Variants in YPEL1 observed in about 807,000 individuals in gnomAD.
The protein encoded by YPEL1 is yippee like 1, also known as protein yippee-like 1.
In YPEL1, 7 loss-of-function variants were observed where a neutral mutation model predicts 17.3. The observed-to-expected ratio is 0.40, with a 90% CI of 0.23 to 0.76. The LOEUF (loss-of-function observed/expected upper bound fraction) is 0.76, where lower values mean the gene tolerates loss of function less well. Ranked by LOEUF, YPEL1 falls within the 30% of genes least tolerant of loss-of-function variation. YPEL1 has a pLI of 0.35. For missense variants in YPEL1, 91 were observed against 155.5 expected, an observed-to-expected ratio of 0.59 and a Z score of 2.21; for synonymous variants, 59 against 59.6, an observed-to-expected ratio of 0.99 and a Z score of 0.05.
At chr22:21,724,099 C>T (rs2068309772) in intron 1 of YPEL1, among the ~76,000 whole-genome samples, 1 of 152,200 alleles carries the variant, frequency 6.6e-6, no homozygotes, top group Admixed American at 6.6e-5. Flanking sequence ...GTGAGTCTCC[C>T]ATCCCAGAGC....
chr22:21,716,160 C>T (rs935426373), intron 1 of YPEL1, among the ~76,000 whole-genome samples: 14 of 152,022 alleles, frequency 9.2e-5, no homozygotes, highest in Non-Finnish European at 1.3e-4. Context: ...CTGCCTGCCC[C>T]GGCTTCCCAG....
chr22:21,726,638 A>G (rs984097466), intron 1 of YPEL1, among the ~76,000 whole-genome samples: 1 of 152,172 alleles, frequency 6.6e-6, no homozygotes. Context: ...AGGGTCCTCC[A>G]TGCTGTAACT....
At chr22:21,731,596 C>T (rs1434975112) in intron 1 of YPEL1, among the ~76,000 whole-genome samples, 1 of 147,538 alleles carries the variant, frequency 6.8e-6, no homozygotes, top group East Asian at 2.0e-4. Context: ...GAGGGGGAAG[C>T]GTTTGGGTGG....
intron 1 of YPEL1, among the ~76,000 whole-genome samples, chr22:21,735,339 C>A (rs2068425610): frequency 6.7e-6 from 1 of 149,730 alleles, no homozygotes; most frequent in African/African-American, 2.4e-5. Context: ...CTTTTCACGG[C>A]GGGGCGGGAG....
At chr22:21,719,120 A>G (rs1239594760) in intron 1 of YPEL1, among the ~76,000 whole-genome samples, 1 of 152,072 alleles carries the variant, frequency 6.6e-6, no homozygotes, top group Non-Finnish European at 1.5e-5. Context: ...AAACTTGCTG[A>G]CATGCCCTGG....
intron 2 of YPEL1, among the ~76,000 whole-genome samples, chr22:21,704,697 C>T (rs2148596663): frequency 6.6e-6 from 1 of 151,272 alleles, no homozygotes; most frequent in South Asian, 2.1e-4. Context: ...ACAAGATGGC[C>T]TTTCACTTGG....
Position 21,701,060 on chromosome 22 carries a change from C to T in YPEL1, c.*69G>A, listed in dbSNP as rs2068060449. ...CAAGAAAGGCTGTCACCAGATGCTC[C>T]TACGTTTCCATTACATTCACAGTTT... On this transcript the variant is annotated 3_prime_UTR_variant, in exon 5 of 5. Transcript: ENST00000339468. 2 of 1,431,480 alleles carry T rather than the reference C, an allele frequency of 1.4e-6. No homozygotes were observed. The highest frequency in any genetic ancestry group is 2.0e-6 in the Non-Finnish European group (2 of 1,017,734). The allele number at this position is 1,431,480 out of a possible 1,614,324, so 88.7% of individuals were successfully genotyped here.
chr22:21,701,195 C>T lies in YPEL1; in HGVS notation c.294G>A (p.Gln98=). ...WKYEHAFESS[Q]KYKEGKFIIE... ...TGATGAATTTTCCTTCCTTATATTTCTGACTGCTCTCAAAGGCATGCTCCT... is the reference window on the plus strand; with the variant it reads ...TGATGAATTTTCCTTCCTTATATTTTTGACTGCTCTCAAAGGCATGCTCCT... The change falls in exon 5 of 5, where the codon CAG becomes CAA. Residue 98 remains glutamine (Q), a synonymous_variant. Transcript: ENST00000339468. The T allele has an allele frequency of 6.2e-7, 1 of 1,613,940 alleles. No homozygotes were observed. The highest frequency in any genetic ancestry group is 8.5e-7 in the Non-Finnish European group (1 of 1,179,860).
In YPEL1 at chr22:21,703,625, C is replaced by A; in HGVS notation, c.162-147G>T. The A allele has an allele frequency of 1.2e-6, 1 of 845,120 alleles. No individual in the cohort carries two copies. Among genetic ancestry groups the A allele is most frequent in the Non-Finnish European group, 1.8e-6 (1 of 541,892 alleles). The allele number at this position is 845,120 out of a possible 1,614,324, so 52.4% of individuals were successfully genotyped here. ...AGCAGTGCCGTGCCTCTCCCCCAGC[C>A]CTGCCCGCCACCACCATCAATGGGA... On this transcript the variant is annotated intron_variant, in intron 3 of 4. Transcript: ENST00000339468. This position sits in a 1 kb window ranked among gnomAD's most constrained non-coding sequence, Gnocchi z 6.1.
At chr22:21,708,224 T>C (rs1163799421) in intron 2 of YPEL1, among the ~76,000 whole-genome samples, 1 of 151,768 alleles carries the variant, frequency 6.6e-6, no homozygotes, top group African/African-American at 2.4e-5. Context: ...AGGCACGAGG[T>C]CTGATCCTTC....
chr22:21,716,428 G>A (rs2068224455), intron 1 of YPEL1, among the ~76,000 whole-genome samples: 2 of 152,270 alleles, frequency 1.3e-5, no homozygotes. Flanking sequence ...AGAGAGGCGA[G>A]CCAAGCCGCT....
At chr22:21,728,144 G>A (rs2068353689) in intron 1 of YPEL1, among the ~76,000 whole-genome samples, 1 of 152,276 alleles carries the variant, frequency 6.6e-6, no homozygotes, top group East Asian at 1.9e-4. Context: ...ACCTCTTTAG[G>A]GAGGAGAGGG....
intron 1 of YPEL1, among the ~76,000 whole-genome samples, chr22:21,716,435 C>T (rs1426239578): frequency 2.0e-5 from 3 of 152,258 alleles, no homozygotes; most frequent in African/African-American, 4.8e-5. Context: ...CGAGCCAAGC[C>T]GCTCTTGCCC....
At chr22:21,706,614 G>A (rs192795027) in intron 2 of YPEL1, among the ~76,000 whole-genome samples, 1 of 152,032 alleles carries the variant, frequency 6.6e-6, no homozygotes, top group Non-Finnish European at 1.5e-5. Flanking sequence ...GAGAGGCCAG[G>A]GTGGGTGGAT....
chr22:21,701,249 CAGA>C (rs1331637737), intron 4 of YPEL1, 31 bp from the exon 5 acceptor site: 4 of 1,569,028 alleles, frequency 2.5e-6, no homozygotes, highest in East Asian at 2.2e-5. Flanking sequence ...GGTTTCAGGA[CAGA>C]AGGTTTCACT....
Position 21,725,856 on chromosome 22 carries a change from G to GGGCAC in YPEL1, c.-165+9754_-165+9758dup, listed in dbSNP as rs574451360. ...AAAGGAAAAAAAAAAAAAAATAGCC[G>GGGCAC]GGCACGGTGGCACATGCCTGTGGTC... On this transcript the variant is annotated intron_variant, in intron 1 of 4. Coordinates refer to ENST00000339468, the MANE Select transcript of YPEL1 (RefSeq NM_013313.5). Among the ~76,000 whole-genome samples, 21 of 151,874 alleles carry GGGCAC rather than the reference G, an allele frequency of 1.4e-4. No individual in the cohort carries two copies. In the South Asian group the frequency reaches 4.4e-3, roughly 32 times the overall value.
In YPEL1 at chr22:21,700,985, T is replaced by C. The variant is rs1027228291; in HGVS notation, c.*144A>G. ...CCGAGGGACACCTTACCCACAGAGA[T>C]GGCCGAGAGTGTCAAGAGCTATGCG... On this transcript the variant is annotated 3_prime_UTR_variant, in exon 5 of 5. Coordinates refer to ENST00000339468, the MANE Select transcript of YPEL1 (RefSeq NM_013313.5). 6 of 620,490 alleles carry C rather than the reference T, an allele frequency of 9.7e-6. No individual in the cohort carries two copies. The highest frequency in any genetic ancestry group is 7.3e-5 in the African/African-American group (4 of 54,548). The allele number at this position is 620,490 out of a possible 1,614,324, so 38.4% of individuals were successfully genotyped here.
At chr22:21,705,972 AT>A (rs1404223800) in intron 2 of YPEL1, among the ~76,000 whole-genome samples, 1 of 152,046 alleles carries the variant, frequency 6.6e-6, no homozygotes, top group Non-Finnish European at 1.5e-5. Context: ...TCTGATAAAA[AT>A]ATAAAAATTA....
chr22:21,734,586 G>T (rs1361297809), intron 1 of YPEL1, among the ~76,000 whole-genome samples: 1 of 152,214 alleles, frequency 6.6e-6, no homozygotes, highest in Non-Finnish European at 1.5e-5. Context: ...GGCCCAAGAG[G>T]AAACACCATG....
Sources: allele counts gnomAD v4.1 joint callset (sites outside exome capture counted in the v4.1 genomes callset), GRCh38; gene constraint gnomAD v4.1.1; non-coding constraint Gnocchi (gnomAD v3.1); transcripts MANE v1.5; gene names NCBI Gene and HGNC (gene_info 2026-07-23, HGNC 2026-07-21).